The following DLGAP1 variants were observed in gnomAD, a reference collection of about 807,000 sequenced individuals.
The protein encoded by DLGAP1 is disks large-associated protein 1.
Under a neutral mutation model 90.8 loss-of-function variants are expected in DLGAP1, and 11 were observed. The ratio of observed to expected loss-of-function variants is 0.12; its 90% CI spans 0.08 to 0.20. The LOEUF (loss-of-function observed/expected upper bound fraction) is 0.20. Ranked by LOEUF, DLGAP1 falls within the 10% of genes least tolerant of loss-of-function variation. DLGAP1 has a pLI of 1.00. For missense variants in DLGAP1, 1,050 were observed against 1,333.8 expected, an observed-to-expected ratio of 0.79 and a Z score of 3.31; for synonymous variants, 558 against 540.7, an observed-to-expected ratio of 1.03 and a Z score of -0.44.
intron 3 of DLGAP1, among the ~76,000 whole-genome samples, chr18:3,927,100 C>T (rs2072408889): frequency 6.6e-6 from 1 of 152,180 alleles, no homozygotes; most frequent in African/African-American, 2.4e-5. Context: ...AGAGCTCTTC[C>T]TTACTCAATG....
At chr18:3,772,342 C>CTCTTTCTTTCTTTCTT (rs2064655920) in intron 5 of DLGAP1, among the ~76,000 whole-genome samples, 1 of 81,028 alleles carries the variant, frequency 1.2e-5, no homozygotes, top group African/African-American at 3.9e-5. Context: ...TTCTCTCTCT[C>CTCTTTCTTTCTTTCTT]TCTCTCTTTC....
At chr18:4,204,513 TTTTTTG>T (rs1555762764) in intron 1 of DLGAP1, among the ~76,000 whole-genome samples, 1 of 151,632 alleles carries the variant, frequency 6.6e-6, no homozygotes, top group East Asian at 1.9e-4. Flanking sequence ...TTGTGGTTTT[TTTTTTG>T]TTTTTGTTTT....
intron 1 of DLGAP1, among the ~76,000 whole-genome samples, chr18:4,174,437 C>T (rs60640793): frequency 0.028 from 4,277 of 152,182 alleles, 203 homozygotes; most frequent in African/African-American, 0.097. Context: ...CGGGTTCAAG[C>T]AATTCTCCTG....
At chr18:3,812,986 T>C (rs916205412) in intron 5 of DLGAP1, among the ~76,000 whole-genome samples, 6 of 152,216 alleles carry the variant, frequency 3.9e-5, no homozygotes, top group African/African-American at 1.2e-4. Flanking sequence ...CAGGTCCAAA[T>C]GGAATTCTAT....
chr18:3,773,110 T>A (rs1332050796), intron 5 of DLGAP1, among the ~76,000 whole-genome samples: 2 of 152,114 alleles, frequency 1.3e-5, no homozygotes, highest in Non-Finnish European at 2.9e-5. Context: ...TTAAAAATTT[T>A]TTTTTATTTT....
At chr18:3,913,904 G>A (rs2072087290) in intron 3 of DLGAP1, among the ~76,000 whole-genome samples, 1 of 152,100 alleles carries the variant, frequency 6.6e-6, no homozygotes, top group Non-Finnish European at 1.5e-5. Flanking sequence ...TGAACTAAAT[G>A]ACAAATGGGA....
At chr18:3,637,676 G>A (rs1283766709) in intron 7 of DLGAP1, among the ~76,000 whole-genome samples, 1 of 151,768 alleles carries the variant, frequency 6.6e-6, no homozygotes, top group Non-Finnish European at 1.5e-5. Context: ...GAGCCTGGGA[G>A]GTCGAGGCTT....
intron 7 of DLGAP1, among the ~76,000 whole-genome samples, chr18:3,636,142 T>C (rs1450049170): frequency 1.3e-5 from 2 of 151,096 alleles, no homozygotes; most frequent in African/African-American, 2.4e-5. Context: ...CCCTTCTGCT[T>C]GGAGTTTCCA....
At chr18:3,725,289 C>T (rs543684644) in intron 7 of DLGAP1, among the ~76,000 whole-genome samples, 32 of 152,276 alleles carry the variant, frequency 2.1e-4, no homozygotes, top group Admixed American at 1.6e-3. Flanking sequence ...TGCCTAGCTA[C>T]AATGTGATAA....
chr18:3,931,687 T>C (rs996891801), intron 3 of DLGAP1, among the ~76,000 whole-genome samples: 1 of 152,184 alleles, frequency 6.6e-6, no homozygotes, highest in Admixed American at 6.5e-5. Context: ...TAAGGACATA[T>C]TGCTTTCAAC....
At chr18:3,652,737 G>A (rs1208794000) in intron 7 of DLGAP1, among the ~76,000 whole-genome samples, 1 of 151,956 alleles carries the variant, frequency 6.6e-6, no homozygotes, top group Non-Finnish European at 1.5e-5. Context: ...TTTTTCATAC[G>A]GGCTTTCAAA....
At chr18:3,708,010 C>CTT (rs71368706) in intron 7 of DLGAP1, among the ~76,000 whole-genome samples, 38,462 of 145,828 alleles carry the variant, frequency 0.26, 5,641 homozygotes, top group South Asian at 0.36. Context: ...TTTGTAATTC[C>CTT]TTTTTTTTTT....
At position 3,534,256 on chromosome 18, in the gene DLGAP1, C is replaced by A; in HGVS notation, c.2417G>T (p.Arg806Leu). 1 of 1,614,228 alleles carries A rather than the reference C, an allele frequency of 6.2e-7. No individual in the cohort carries two copies. Among genetic ancestry groups the A allele is most frequent in the Non-Finnish European group, 8.5e-7 (1 of 1,180,042 alleles). Residue 806 changes from arginine to leucine, a missense_variant, in exon 10 of 13, where the codon CGC becomes CTC. By Grantham distance (102) the Arg-to-Leu change is moderately radical. This residue lies in a region of DLGAP1 where 565 missense variants were observed against 879.7 expected (regional missense o/e 0.64). Transcript: ENST00000315677. ...CATCTGTTGACACCACCCCTCCATGCGGTCTCGCTCTGCCTGGAGAAGCTT... is the reference window on the plus strand; with the variant it reads ...CATCTGTTGACACCACCCCTCCATGAGGTCTCGCTCTGCCTGGAGAAGCTT... ...FLKLLQAERD[R>L]MEGWCQQMER...
intron 2 of DLGAP1, among the ~76,000 whole-genome samples, chr18:4,028,942 G>A (rs1322712749): frequency 6.6e-6 from 1 of 152,010 alleles, no homozygotes. Flanking sequence ...TAGTCCCCAT[G>A]TTGGACACTA....
chr18:3,780,016 G>A (rs1421947118), intron 5 of DLGAP1, among the ~76,000 whole-genome samples: 1 of 152,044 alleles, frequency 6.6e-6, no homozygotes, highest in African/African-American at 2.4e-5. Flanking sequence ...TCAAACTCTT[G>A]ACCTCAAGTG....
chr18:4,216,789 T>C (rs566957724), intron 1 of DLGAP1, among the ~76,000 whole-genome samples: 1 of 152,124 alleles, frequency 6.6e-6, no homozygotes, highest in Non-Finnish European at 1.5e-5. Flanking sequence ...CAAGTTCTCA[T>C]AAAACCTAAC....
At chr18:4,050,509 G>A (rs2075118155) in intron 2 of DLGAP1, among the ~76,000 whole-genome samples, 1 of 152,176 alleles carries the variant, frequency 6.6e-6, no homozygotes, top group Non-Finnish European at 1.5e-5. Context: ...AAAGCCTAGA[G>A]CTGAAACTAA....
chr18:4,089,604 C>T (rs1240857111), intron 2 of DLGAP1, among the ~76,000 whole-genome samples: 1 of 152,130 alleles, frequency 6.6e-6, no homozygotes, highest in Non-Finnish European at 1.5e-5. Flanking sequence ...AAAACTGACA[C>T]ATAGACCAAT....
intron 4 of DLGAP1, among the ~76,000 whole-genome samples, chr18:3,878,769 G>A (rs2071067753): frequency 6.6e-6 from 1 of 152,126 alleles, no homozygotes; most frequent in Non-Finnish European, 1.5e-5. Flanking sequence ...AAGAAAGGTG[G>A]ACTTCTTTTA....
Sources: allele counts gnomAD v4.1 joint callset (sites outside exome capture counted in the v4.1 genomes callset), GRCh38; gene constraint gnomAD v4.1.1; regional missense constraint gnomAD v4.1.1; transcripts MANE v1.5; gene names NCBI Gene and HGNC (gene_info 2026-07-23, HGNC 2026-07-21).